Variants in ATP9B observed in about 807,000 individuals in gnomAD.
ATP9B encodes probable phospholipid-transporting ATPase IIB.
A neutral mutation model predicts 146.1 loss-of-function variants in ATP9B; 110 were observed. That is an observed-to-expected ratio of 0.75 (90% CI 0.65 to 0.88). The LOEUF (loss-of-function observed/expected upper bound fraction) is 0.88, where lower values mean the gene tolerates loss of function less well. Among genes scored for constraint, ATP9B ranks in the 40% least tolerant of loss-of-function variants. The probability of loss-of-function intolerance (pLI) is 0.00; values close to 1 mark genes in which losing one functional copy is unlikely to be tolerated. For synonymous variants in ATP9B, 604 were observed against 569.7 expected (o/e 1.06, Z -0.86); for missense variants, 1,499 against 1,496.4 (o/e 1.00, Z -0.03).
intron 5 of ATP9B, among the ~76,000 whole-genome samples, chr18:79,133,447 CTG>C (rs2094407115): frequency 6.6e-6 from 1 of 151,986 alleles, no homozygotes; most frequent in Non-Finnish European, 1.5e-5. Context: ...TATTAGTTCT[CTG>C]TGGCTGGACC....
At chr18:79,356,668 A>G (rs2096955360) in intron 25 of ATP9B, among the ~76,000 whole-genome samples, 1 of 152,242 alleles carries the variant, frequency 6.6e-6, no homozygotes, top group South Asian at 2.1e-4. Context: ...ATAGCATTCC[A>G]TTTGCATAGC....
chr18:79,314,756 T>C (rs1307033274), intron 15 of ATP9B, among the ~76,000 whole-genome samples: 2 of 152,246 alleles, frequency 1.3e-5, no homozygotes, highest in African/African-American at 4.8e-5. Context: ...CGTTAAATGC[T>C]CTCTGGAAGT....
intron 10 of ATP9B, among the ~76,000 whole-genome samples, chr18:79,209,016 GA>G (rs2095560032): frequency 6.6e-6 from 1 of 152,224 alleles, no homozygotes; most frequent in South Asian, 2.1e-4. Flanking sequence ...TGGCATTGCT[GA>G]GAGGCATGAG....
At position 79,253,537 on chromosome 18, in the gene ATP9B, A is replaced by G. The variant is rs2096050950; in HGVS notation, c.1264A>G (p.Ile422Val). Residue 422 changes from isoleucine (I) to valine (V), a missense_variant, in exon 12 of 30, where the codon ATA (isoleucine) becomes GTA (valine). Transcript: ENST00000426216. The part of the protein sequence containing the change: ...FLLLFSYIIP[I>V]SLRVNLDMGK... ...TCTCCTCTTTTCTTACATCATTCCC[A>G]TAAGGTAAGTTTAAAAATGAAAATA... 6.3e-7 allele frequency: 1 copy of G among 1,581,278 alleles called. No homozygotes were observed.
intron 11 of ATP9B, among the ~76,000 whole-genome samples, chr18:79,240,068 A>G (rs1332557014): frequency 6.6e-6 from 1 of 152,218 alleles, no homozygotes; most frequent in Non-Finnish European, 1.5e-5. Context: ...TTGGTAGCAC[A>G]GGAGGAGAGC....
intron 6 of ATP9B, 199 bp downstream of exon 6, chr18:79,144,059 G>A (rs961456153): frequency 1.6e-5 from 6 of 383,574 alleles, no homozygotes; most frequent in African/African-American, 1.0e-4. Flanking sequence ...AGTGTGTGCA[G>A]GCAAAGTCAT....
intron 26 of ATP9B, among the ~76,000 whole-genome samples, chr18:79,366,449 G>A (rs145072680): frequency 1.2e-4 from 19 of 152,324 alleles, no homozygotes; most frequent in African/African-American, 3.8e-4. Context: ...ACTGCAAACC[G>A]TGGGCTGCGT....
chr18:79,083,211 G>A (rs2073447154), intron 1 of ATP9B, among the ~76,000 whole-genome samples: 1 of 152,174 alleles, frequency 6.6e-6, no homozygotes, highest in African/African-American at 2.4e-5. Flanking sequence ...ACTGTGAGGG[G>A]AAAACCACCT....
At chr18:79,345,632 G>A in intron 22 of ATP9B, 60 bp downstream of exon 22, 1 of 1,596,736 alleles carries the variant, frequency 6.3e-7, no homozygotes, top group South Asian at 1.1e-5. Context: ...GGCTGACATT[G>A]ATGGGCAAAG....
intron 9 of ATP9B, among the ~76,000 whole-genome samples, chr18:79,199,059 C>T (rs2095441939): frequency 6.6e-6 from 1 of 152,086 alleles, no homozygotes; most frequent in African/African-American, 2.4e-5. Context: ...TCAAGTGGCT[C>T]TTCTGCCTCA....
At chr18:79,351,633 T>G (rs1453024263) in intron 25 of ATP9B, among the ~76,000 whole-genome samples, 2 of 152,182 alleles carry the variant, frequency 1.3e-5, no homozygotes, top group Non-Finnish European at 2.9e-5. Flanking sequence ...TTGATAGAAT[T>G]TAATTCCACA....
In ATP9B at chr18:79,176,127, G is replaced by A. The variant is rs926895857; in HGVS notation, c.779-686G>A. On this transcript the variant is annotated intron_variant, in intron 7 of 29. Transcript: ENST00000426216. ...GTATGTGCTCTGTTTTATTCAGCTC[G>A]TCCTCTGTTTGTTCCCCTTTGTTTC... Among the ~76,000 whole-genome samples, 7 of 152,078 alleles carry A rather than the reference G, an allele frequency of 4.6e-5. No homozygotes were observed. In the South Asian group the frequency reaches 6.2e-4, roughly 14 times the overall value.
chr18:79,132,465 C>CA (rs2094392416), intron 5 of ATP9B, among the ~76,000 whole-genome samples: 1 of 152,132 alleles, frequency 6.6e-6, no homozygotes, highest in Admixed American at 6.5e-5. Flanking sequence ...TGCCCTGAGC[C>CA]ACAGTAGTTT....
intron 8 of ATP9B, among the ~76,000 whole-genome samples, chr18:79,185,490 GTGACATAACTATA>G: frequency 6.6e-6 from 1 of 152,236 alleles, no homozygotes; most frequent in African/African-American, 2.4e-5. Flanking sequence ...AAGGATTTTA[GTGACATAACTATA>G]TGGTAAATGA....
At chr18:79,281,423 GGAGGCGGAGATCCTGGT>G (rs1243210312) in intron 13 of ATP9B, among the ~76,000 whole-genome samples, 12 of 152,198 alleles carry the variant, frequency 7.9e-5, no homozygotes, top group African/African-American at 2.9e-4. Flanking sequence ...CTTGAACCTA[GGAGGCGGAGATCCTGGT>G]GAGGCGAGAT....
At chr18:79,121,182 T>C (rs1191544534) in intron 4 of ATP9B, among the ~76,000 whole-genome samples, 1 of 152,252 alleles carries the variant, frequency 6.6e-6, no homozygotes, top group Non-Finnish European at 1.5e-5. Flanking sequence ...ATCTAACTTT[T>C]TCTCCTTTTA....
intron 11 of ATP9B, among the ~76,000 whole-genome samples, chr18:79,215,913 C>T (rs2095623168): frequency 6.6e-6 from 1 of 152,140 alleles, no homozygotes; most frequent in Non-Finnish European, 1.5e-5. Flanking sequence ...TGGTTTCAAA[C>T]TCCTGACCTC....
At chr18:79,337,141 G>C in intron 18 of ATP9B, 138 bp from the exon 19 acceptor site, 1 of 1,172,950 alleles carries the variant, frequency 8.5e-7, no homozygotes, top group South Asian at 1.4e-5. Flanking sequence ...CCAGCTCTGT[G>C]GAGTACACAC....
intron 15 of ATP9B, 61 bp downstream of exon 15, chr18:79,307,295 G>A (rs912873399): frequency 6.2e-7 from 1 of 1,601,358 alleles, no homozygotes; most frequent in African/African-American, 1.3e-5. Flanking sequence ...AGAGTCATGA[G>A]GATTCATTCT....
Sources: gnomAD v4.1 joint callset for allele counts (sites outside exome capture counted in the v4.1 genomes callset) on GRCh38, gnomAD v4.1.1 for gene constraint, MANE v1.5 for transcripts, NCBI Gene and HGNC (gene_info 2026-07-23, HGNC 2026-07-21) for gene names.